Variants in NBPF14 observed in about 807,000 individuals in gnomAD.
NBPF14 encodes the protein NBPF member 14, also known as NBPF family member NBPF14.
NBPF14 carries 104 observed loss-of-function variants against 91.2 expected under a neutral mutation model. That is an observed-to-expected ratio of 1.14 (90% CI 0.97 to 1.34). The LOEUF (loss-of-function observed/expected upper bound fraction) is 1.34, where lower values mean the gene tolerates loss of function less well. Ranked by LOEUF, NBPF14 falls within the 40% of genes most tolerant of loss-of-function variation. The probability of loss-of-function intolerance (pLI) is 0.00; values close to 1 mark genes in which losing one functional copy is unlikely to be tolerated. For synonymous variants in NBPF14, 294 were observed against 303.8 expected (o/e 0.97, Z 0.34); for missense variants, 908 against 783.0 (o/e 1.16, Z -1.91).
intron 68 of NBPF14, among the ~76,000 whole-genome samples, chr1:148,535,181 G>T (rs1654868091): frequency 1.3e-5 from 2 of 149,902 alleles, no homozygotes; most frequent in African/African-American, 5.0e-5. Context: ...TGAAAAGAGG[G>T]GGCTCAATAA....
intron 12 of NBPF14, among the ~76,000 whole-genome samples, chr1:148,581,721 G>T (rs1660983719): frequency 6.6e-6 from 1 of 151,112 alleles, no homozygotes; most frequent in African/African-American, 2.5e-5. Flanking sequence ...GCAAAAACAT[G>T]CCAAACTGTA....
chr1:148,533,784 A>C (rs1401402463), intron 70 of NBPF14, 77 bp downstream of exon 70: 2 of 764,274 alleles, frequency 2.6e-6, no homozygotes, highest in African/African-American at 1.7e-5. Flanking sequence ...ATGACATCAA[A>C]CACACTCTGG....
At chr1:148,536,060 T>G (rs1655152779) in intron 67 of NBPF14, among the ~76,000 whole-genome samples, 164 bp downstream of exon 67, 2 of 149,788 alleles carry the variant, frequency 1.3e-5, no homozygotes, top group Admixed American at 1.3e-4. Flanking sequence ...ATCCCTTGTC[T>G]GGGCTTCCAA....
At chr1:148,533,919 T>G (rs1320243111) in exon 70 of NBPF14, 1 of 749,386 alleles carries the variant, frequency 1.3e-6, no homozygotes, top group Non-Finnish European at 2.4e-6. Context: ...CTTCTTTCCT[T>G]CTTTGATCTT....
At chr1:148,586,879 A>T (rs1286417617) in intron 8 of NBPF14, among the ~76,000 whole-genome samples, 1 of 141,714 alleles carries the variant, frequency 7.1e-6, no homozygotes, top group Non-Finnish European at 1.6e-5. Context: ...AATTGAAAAG[A>T]TGAAAGAAGA....
At chr1:148,542,189 C>G (rs1186499668) in intron 59 of NBPF14, among the ~76,000 whole-genome samples, 1 of 91,718 alleles carries the variant, frequency 1.1e-5, no homozygotes, top group Non-Finnish European at 1.9e-5. Flanking sequence ...TCAACAAATA[C>G]GCAGATTGTT....
At chr1:148,532,454 G>T (rs1369007192) in exon 71 of NBPF14, 1 of 154,856 alleles carries the variant, frequency 6.5e-6, no homozygotes, top group African/African-American at 2.5e-5. Context: ...GAGGCTGAAG[G>T]ACTGTGGCTT....
intron 39 of NBPF14, among the ~76,000 whole-genome samples, 186 bp from the exon 40 acceptor site, chr1:148,557,728 G>A (rs1319212470): frequency 1.5e-5 from 2 of 129,222 alleles, no homozygotes; most frequent in African/African-American, 7.2e-5. Context: ...TCAGAACCAA[G>A]GGTGAAATAT....
In NBPF14 at chr1:148,589,822, G is replaced by A. The variant is rs1553337630; in HGVS notation, c.779-429C>T. 7.3e-4 allele frequency among the ~76,000 whole-genome samples: 108 copies of A among 147,642 alleles called. 10 individuals carry two copies. Among genetic ancestry groups the A allele is most frequent in the Middle Eastern group, 7.2e-3 (2 of 278 alleles). ...ATCTCAGCTCACTGCCACCTCTGCC[G>A]TCCGGGTTCAAGCGATTCTCATCCC... On this transcript the variant is annotated intron_variant, in intron 6 of 70. Transcript: ENST00000619423.
intron 63 of NBPF14, 110 bp downstream of exon 63, chr1:148,539,300 G>C: frequency 4.7e-6 from 3 of 634,558 alleles, no homozygotes; most frequent in East Asian, 3.2e-5. Context: ...CATAGGTCCT[G>C]ACTGCGGCAA....
Position 148,534,586 on chromosome 1 carries a change from G to A in NBPF14, c.8614+98C>T, listed in dbSNP as rs1202777956. ...GCCCATAGGTCCTGCCTGCGGCAATGACATCTCTCGGGTGAGTAAGGGCCA... is the reference window on the plus strand; with the variant it reads ...GCCCATAGGTCCTGCCTGCGGCAATAACATCTCTCGGGTGAGTAAGGGCCA... On this transcript the variant is annotated intron_variant, in intron 69 of 70. Transcript: ENST00000619423. 4.5e-5 allele frequency: 38 copies of A among 844,026 alleles called. 2 individuals are homozygous for A. The highest frequency in any genetic ancestry group is 1.7e-4 in the East Asian group (7 of 41,564). 52.3% of individuals were successfully genotyped at this position (844,026 alleles called of 1,614,324 possible).
At chr1:148,534,608 G>A (rs1330526027) in intron 69 of NBPF14, 76 bp downstream of exon 69, 14 of 906,898 alleles carry the variant, frequency 1.5e-5, no homozygotes, top group East Asian at 4.8e-5. Flanking sequence ...GTGAGTAAGG[G>A]CCACTTGGAA....
At chr1:148,593,661 C>G in exon 3 of NBPF14, 1 of 1,535,134 alleles carries the variant, frequency 6.5e-7, no homozygotes, top group Non-Finnish European at 9.0e-7. Context: ...TCGCTCATTC[C>G]TCAGCATAAA....
intron 13 of NBPF14, among the ~76,000 whole-genome samples, chr1:148,578,831 G>C (rs1338184735): frequency 4.7e-5 from 7 of 149,908 alleles, no homozygotes; most frequent in Non-Finnish European, 8.9e-5. Flanking sequence ...GTTCAATGTC[G>C]TGACAGTCAG....
At chr1:148,566,347 C>G in intron 28 of NBPF14, 32 bp from the exon 29 acceptor site, 1 of 752,290 alleles carries the variant, frequency 1.3e-6, no homozygotes. Flanking sequence ...AAGAATAAGC[C>G]AGGGGAAATC....
rs1256305068 is a variant in NBPF14 at position 148,590,361 on chromosome 1, C to T, written c.778+396G>A. 3.5e-5 allele frequency among the ~76,000 whole-genome samples: 5 copies of T among 143,730 alleles called. 1 individual carries two copies. The highest frequency in any genetic ancestry group is 7.5e-5 in the African/African-American group (3 of 39,794). 94.3% of individuals were successfully genotyped at this position (143,730 alleles called of 152,430 possible). On this transcript the variant is annotated intron_variant, in intron 6 of 70. Coordinates refer to ENST00000619423, the Ensembl canonical transcript of NBPF14. ...TGTGACCCACTGCTCCCAGCCGAGA[C>T]TTATTAATAGCTAAGACAAGCCAAT... is the stretch of plus-strand genomic sequence containing the variant.
At chr1:148,585,404 G>A (rs1421962852) in intron 9 of NBPF14, among the ~76,000 whole-genome samples, 191 bp from the exon 10 acceptor site, 3 of 151,854 alleles carry the variant, frequency 2.0e-5, no homozygotes, top group African/African-American at 7.3e-5. Flanking sequence ...TTCTGATCTG[G>A]AGGGCCACCA....
chr1:148,577,729 G>A (rs1246249027), intron 14 of NBPF14, among the ~76,000 whole-genome samples: 2 of 142,596 alleles, frequency 1.4e-5, no homozygotes, highest in Admixed American at 1.4e-4. Flanking sequence ...ATGTGCTCAA[G>A]TTTCCCGGCA....
rs1384561885 is a variant in NBPF14 at position 148,592,706 on chromosome 1, T to C, written c.339A>G (p.Leu113=). The C allele has an allele frequency of 2.5e-5, 39 of 1,587,226 alleles. 4 individuals carry two copies. The highest frequency in any genetic ancestry group is 1.3e-4 in the East Asian group (6 of 44,866). Residue 113 remains leucine (L), a synonymous_variant, in exon 4 of 71, where the codon TTA becomes TTG. Coordinates refer to ENST00000619423, the Ensembl canonical transcript of NBPF14. ...AGCGGGAGGCATCTCTCCCTTCCCGTAACTTCTCCCTTAGCTGGGTCAGCT... is the reference window on the plus strand; with the variant it reads ...AGCGGGAGGCATCTCTCCCTTCCCGCAACTTCTCCCTTAGCTGGGTCAGCT...
Sources: allele counts gnomAD v4.1 joint callset (sites outside exome capture counted in the v4.1 genomes callset), GRCh38; gene constraint gnomAD v4.1.1; transcripts MANE v1.5; gene names NCBI Gene and HGNC (gene_info 2026-07-23, HGNC 2026-07-21).